Variants in DPH6 observed in about 807,000 individuals in gnomAD.
The protein encoded by DPH6 is diphthine--ammonia ligase.
DPH6 carries 33 observed loss-of-function variants against 38.2 expected under a neutral mutation model. The ratio of observed to expected loss-of-function variants is 0.86; its 90% confidence interval spans 0.65 to 1.15. The LOEUF is 1.15. Among genes scored for constraint, DPH6 ranks in the 50% most tolerant of loss-of-function variants. The pLI is 0.00. For synonymous variants in DPH6, 108 were observed against 103.0 expected (o/e 1.05, Z -0.30); for missense variants, 325 against 320.0 (o/e 1.02, Z -0.12).
chr15:35,226,510 A>G (rs149717819), intron 3 of DPH6, among the ~76,000 whole-genome samples: 37 of 152,336 alleles, frequency 2.4e-4, no homozygotes, highest in African/African-American at 8.7e-4. Flanking sequence ...TCAAAATGGC[A>G]TATCATCATC....
intron 3 of DPH6, among the ~76,000 whole-genome samples, chr15:35,348,062 C>T (rs939227103): frequency 1.3e-5 from 2 of 152,078 alleles, no homozygotes; most frequent in African/African-American, 4.8e-5. Context: ...CCTTTACCAA[C>T]ATATAGTTTG....
intron 5 of DPH6, among the ~76,000 whole-genome samples, chr15:35,415,293 C>T (rs1425864129): frequency 3.3e-5 from 5 of 151,886 alleles, no homozygotes; most frequent in African/African-American, 9.7e-5. Flanking sequence ...ACACAGTCAG[C>T]ATTAGGGCAT....
rs10520012 is a variant in DPH6, at chr15:35,521,177, G to A, written c.312+17097C>T. The A allele has an allele frequency of 8.2e-3, 8,126 of 985,224 alleles. 420 individuals carry two copies. The African/African-American group carries it at 0.12, about 14-fold the overall frequency. 61.0% of individuals were successfully genotyped at this position (985,224 alleles called of 1,614,324 possible). A position where few individuals can be genotyped will look rare whatever the true frequency, so the allele number is the denominator to read the frequency against. On this transcript the variant is annotated intron_variant, in intron 3 of 8. Coordinates refer to ENST00000256538, the MANE Select transcript of DPH6 (RefSeq NM_080650.4). ...ACTTTTTAACTGAAATGCTACTTGA[G>A]TATTGCTCCCTTAAATTATTAATTT... is the stretch of plus-strand genomic sequence containing the variant.
chr15:35,220,811 T>C (rs1020726144), intron 3 of DPH6, among the ~76,000 whole-genome samples: 1 of 152,046 alleles, frequency 6.6e-6, no homozygotes, highest in Non-Finnish European at 1.5e-5. Context: ...GGGGCAGTAT[T>C]GAAAAAAAAA....
chr15:35,306,544 A>G lies in DPH6; in HGVS notation n.200+66977T>C, dbSNP rs145406825. ...TGTTTTCACATAAAGACAGACCTCT[A>G]TCAACCTCAGGGCATTAATTCTAAA... On this transcript the variant is annotated intron_variant and non_coding_transcript_variant, in intron 3 of 3. Transcript: ENST00000560386. 5.4e-3 allele frequency among the ~76,000 whole-genome samples: 818 copies of G among 152,324 alleles called. 4 individuals carry two copies. Among genetic ancestry groups the G allele is most frequent in the African/African-American group, 8.9e-3 (370 of 41,590 alleles).
the DPH6 span, among the ~76,000 whole-genome samples, chr15:35,153,276 T>C: frequency 6.6e-6 from 1 of 152,182 alleles, no homozygotes; most frequent in Non-Finnish European, 1.5e-5. Context: ...ACCTGCCAAC[T>C]TCTGCAACAA....
chr15:35,185,379 A>G, the DPH6 span, among the ~76,000 whole-genome samples: 1 of 152,216 alleles, frequency 6.6e-6, no homozygotes, highest in African/African-American at 2.4e-5. Flanking sequence ...GCTGGAGTAT[A>G]GTGTTCTGAA....
intron 3 of DPH6, among the ~76,000 whole-genome samples, chr15:35,470,216 T>C (rs2054180351): frequency 6.6e-6 from 1 of 151,582 alleles, no homozygotes; most frequent in Admixed American, 6.6e-5. Flanking sequence ...ACTAAATAGG[T>C]AAATAAATGA....
At chr15:35,326,790 ATACT>A (rs979450210), downstream of DPH6, among the ~76,000 whole-genome samples, 14 of 152,192 alleles carry the variant, frequency 9.2e-5, no homozygotes, top group African/African-American at 2.7e-4. Context: ...TATTCAATAA[ATACT>A]TACTAAGTTC....
At chr15:35,484,514 G>T (rs906460741) in intron 3 of DPH6, among the ~76,000 whole-genome samples, 1 of 152,206 alleles carries the variant, frequency 6.6e-6, no homozygotes, top group Admixed American at 6.5e-5. Flanking sequence ...TGGTCTGTTG[G>T]AATGAGGATG....
chr15:35,299,553 C>T lies in DPH6; in HGVS notation n.200+73968G>A, dbSNP rs1021914471. The T allele has an allele frequency of 1.2e-4, 62 of 504,404 alleles. No individual in the cohort carries two copies. The East Asian group carries it at 2.5e-3, about 20-fold the overall frequency. 31.2% of individuals were successfully genotyped at this position (504,404 alleles called of 1,614,324 possible). ...ACGGCGGCACCACCCTCCGCTGAGT[C>T]CGCGGGGCGCTGGGCGGCGCGGGGT... On this transcript the variant is annotated intron_variant and non_coding_transcript_variant, in intron 3 of 3. Transcript: ENST00000560386.
At chr15:35,294,102 G>T (rs2051998511) in intron 3 of DPH6, among the ~76,000 whole-genome samples, 1 of 152,114 alleles carries the variant, frequency 6.6e-6, no homozygotes, top group Non-Finnish European at 1.5e-5. Flanking sequence ...AAGTGCCCTA[G>T]TTCCTGAATT....
chr15:35,217,302 C>T (rs972943055), downstream of DPH6: 3 of 152,106 alleles, frequency 2.0e-5, no homozygotes, highest in African/African-American at 4.8e-5. Flanking sequence ...ATCCAATCTC[C>T]TATGTCAGCA....
intron 6 of DPH6, among the ~76,000 whole-genome samples, chr15:35,385,123 T>C (rs753630692): frequency 2.0e-5 from 3 of 152,152 alleles, no homozygotes; most frequent in African/African-American, 4.8e-5. Context: ...AAACAACAGA[T>C]GCTGGAGAGG....
chr15:35,540,332 A>G (rs1458635623), intron 2 of DPH6, among the ~76,000 whole-genome samples: 2 of 152,078 alleles, frequency 1.3e-5, no homozygotes, highest in Non-Finnish European at 2.9e-5. Context: ...ATTTTATGAC[A>G]AGTTCGCATT....
chr15:35,324,839 A>C (rs2052269231), intron 3 of DPH6, among the ~76,000 whole-genome samples: 1 of 152,192 alleles, frequency 6.6e-6, no homozygotes, highest in South Asian at 2.1e-4. Context: ...GTATCAGATA[A>C]ATTAGGGAAG....
At position 35,419,208 on chromosome 15, in the gene DPH6, G is replaced by A. The variant is rs190923213; in HGVS notation, c.506-8312C>T. ...TAAATATGATTTTTATTTGTTCCCA[G>A]ACTCCCACTGAACACACCATTATTC... On this transcript the variant is annotated intron_variant, in intron 5 of 8. Transcript: ENST00000256538. 4.8e-3 allele frequency among the ~76,000 whole-genome samples: 733 copies of A among 152,036 alleles called. 3 individuals carry two copies. The highest frequency in any genetic ancestry group is 0.017 in the African/African-American group (704 of 41,466).
intron 3 of DPH6, chr15:35,299,129 G>C (rs2052036025): frequency 3.8e-6 from 4 of 1,046,156 alleles, no homozygotes; most frequent in Non-Finnish European, 5.8e-6. Context: ...TCTTACAATC[G>C]TTAGGAAACA....
At chr15:35,247,727 T>C (rs2051646063) in intron 3 of DPH6, among the ~76,000 whole-genome samples, 1 of 152,230 alleles carries the variant, frequency 6.6e-6, no homozygotes, top group Non-Finnish European at 1.5e-5. Context: ...TGTATCTCTT[T>C]GCCCCCTTGA....
Sources: allele counts gnomAD v4.1 joint callset (sites outside exome capture counted in the v4.1 genomes callset), GRCh38; gene constraint gnomAD v4.1.1; transcripts MANE v1.5; gene names NCBI Gene and HGNC (gene_info 2026-07-23, HGNC 2026-07-21).